Variants in ERAP1 observed in about 807,000 individuals in gnomAD.
ERAP1 encodes the protein adipocyte-derived leucine aminopeptidase.
Under a neutral mutation model 103.7 loss-of-function variants are expected in ERAP1, and 86 were observed. That is an observed-to-expected ratio of 0.83 (90% CI 0.70 to 0.99). The LOEUF (loss-of-function observed/expected upper bound fraction) is 0.99, where lower values mean the gene tolerates loss of function less well. Among genes scored for constraint, ERAP1 ranks in the 50% least tolerant of loss-of-function variants. ERAP1 has a pLI of 0.00. For missense variants in ERAP1, 1,009 were observed against 1,128.4 expected (o/e 0.89, Z 1.52); for synonymous variants, 398 against 402.4 (o/e 0.99, Z 0.13).
At chr5:96,793,215 G>C (rs1339376480) in intron 7 of ERAP1, among the ~76,000 whole-genome samples, 185 bp downstream of exon 7, 1 of 152,184 alleles carries the variant, frequency 6.6e-6, no homozygotes, top group African/African-American at 2.4e-5. Flanking sequence ...TTGTAAATAA[G>C]TCTTTGTGGT....
chr5:96,901,634 C>A, the ERAP1 span: 1 of 1,614,056 alleles, frequency 6.2e-7, no homozygotes, highest in Admixed American at 1.7e-5. Flanking sequence ...AGCGCTTCCT[C>A]CAGGGGGTTT....
intron 6 of ERAP1, 75 bp from the exon 7 acceptor site, chr5:96,793,588 G>T: frequency 8.1e-7 from 1 of 1,232,434 alleles, no homozygotes; most frequent in Non-Finnish European, 1.2e-6. Context: ...ATAAGTTTAT[G>T]AATGTTAACA....
At chr5:96,902,181 T>A in the ERAP1 span, 1 of 821,340 alleles carries the variant, frequency 1.2e-6, no homozygotes, top group Non-Finnish European at 2.1e-6. Context: ...TGATGGGTAC[T>A]TAGGTGCCTT....
chr5:96,933,010 G>A, the ERAP1 span, among the ~76,000 whole-genome samples: 49 of 152,130 alleles, frequency 3.2e-4, no homozygotes, highest in Admixed American at 7.2e-4. Flanking sequence ...TGGGAGGATA[G>A]GCGGGTGTTA....
At chr5:96,781,595 G>C in intron 16 of ERAP1, 98 bp downstream of exon 16, 1 of 1,479,364 alleles carries the variant, frequency 6.8e-7, no homozygotes, top group Non-Finnish European at 9.4e-7. Flanking sequence ...CAGCAGGATA[G>C]GCAATTCCTG....
chr5:96,874,180 A>G, the ERAP1 span, among the ~76,000 whole-genome samples: 45 of 82,320 alleles, frequency 5.5e-4, no homozygotes, highest in African/African-American at 1.8e-3. Context: ...GAAAGAAAGA[A>G]AGAGAGAGAG....
chr5:96,915,100 C>T, the ERAP1 span, among the ~76,000 whole-genome samples: 2,189 of 152,084 alleles, frequency 0.014, 53 homozygotes, highest in South Asian at 0.088. Context: ...CTCCACCTCC[C>T]GGGTTCAAGT....
At position 96,775,491 on chromosome 5, in the gene ERAP1, C is replaced by CTTTT; in HGVS notation, c.*901_*904dup. 1.0e-6 allele frequency: 1 copy of CTTTT among 984,974 alleles called. No individual in the cohort carries two copies. Among genetic ancestry groups the CTTTT allele is most frequent in the Non-Finnish European group, 1.2e-6 (1 of 829,808 alleles). The allele number at this position is 984,974 out of a possible 1,614,324, so 61.0% of individuals were successfully genotyped here. A position where few individuals can be genotyped will look rare whatever the true frequency, so the allele number is the denominator to read the frequency against. ...TTCCTACAGACTTGAATGCACTCTG[C>CTTTT]TTTTTCAGAAGAGATACTGTACCAG... is the stretch of plus-strand genomic sequence containing the variant. On this transcript the variant is annotated 3_prime_UTR_variant, in exon 19 of 19. Transcript: ENST00000443439.
the ERAP1 span, among the ~76,000 whole-genome samples, chr5:96,869,498 C>T: frequency 6.6e-6 from 1 of 152,106 alleles, no homozygotes; most frequent in Non-Finnish European, 1.5e-5. Flanking sequence ...ATTTAGTTTA[C>T]AGATTTATTA....
upstream of ERAP1, among the ~76,000 whole-genome samples, chr5:96,810,661 G>T (rs1779099568): frequency 6.6e-6 from 1 of 152,204 alleles, no homozygotes. Flanking sequence ...AGTGTCCTTA[G>T]TCCCAGAGGT....
intron 19 of ERAP1, among the ~76,000 whole-genome samples, chr5:96,764,663 A>AC (rs1194142091): frequency 1.3e-5 from 2 of 152,100 alleles, no homozygotes; most frequent in Non-Finnish European, 2.9e-5. Context: ...CTTCCCACAA[A>AC]CTGCGGGTCA....
chr5:96,813,940 G>T, the ERAP1 span: 1 of 177,718 alleles, frequency 5.6e-6, no homozygotes, highest in Non-Finnish European at 1.2e-5. Context: ...CTAAGAAAAT[G>T]GCCCATTTCC....
At chr5:96,867,639 C>A in the ERAP1 span, among the ~76,000 whole-genome samples, 1 of 152,176 alleles carries the variant, frequency 6.6e-6, no homozygotes, top group African/African-American at 2.4e-5. Flanking sequence ...TTCCTCATAG[C>A]CTCATGGCAG....
Position 96,782,333 on chromosome 5 carries a change from C to G in ERAP1, c.2286-479G>C, listed in dbSNP as rs563736752. 8.4e-4 allele frequency among the ~76,000 whole-genome samples: 128 copies of G among 152,136 alleles called. 1 individual carries two copies. The highest frequency in any genetic ancestry group is 1.5e-3 in the Non-Finnish European group (100 of 67,988). On this transcript the variant is annotated intron_variant, in intron 15 of 18. Transcript: ENST00000443439. The stretch of plus-strand genomic sequence containing the variant: ...CTAGTTACACTTTATAAAAAAAAGG[C>G]AAGAGAAAAATATCTAAAATTAGGT...
the ERAP1 span, among the ~76,000 whole-genome samples, chr5:96,813,849 G>A: frequency 1.3e-5 from 2 of 152,024 alleles, no homozygotes; most frequent in East Asian, 1.9e-4. Flanking sequence ...ATGTGTTCTC[G>A]TGTTATAATG....
chr5:96,895,486 G>A, the ERAP1 span: 1 of 692,314 alleles, frequency 1.4e-6, no homozygotes, highest in Admixed American at 2.9e-5. Context: ...ATGGCATTTT[G>A]TTTGATACAC....
Position 96,795,158 on chromosome 5 carries a change from GA to G in ERAP1, c.802del (p.Ser268LeufsTer9), listed in dbSNP as rs753200047. 1.2e-5 allele frequency: 20 copies of G among 1,613,326 alleles called. No homozygotes were observed. The highest frequency in any genetic ancestry group is 2.2e-5 in the East Asian group (1 of 44,874). On this transcript the variant is annotated frameshift_variant, in exon 5 of 19. Coordinates refer to ENST00000443439, the MANE Select transcript of ERAP1 (RefSeq NM_001040458.3). LOFTEE classifies it high-confidence loss of function. ...TATCTTGTCTGGCACAGCATAAACA[GA>G]AACCTAAAGAGAAAGGCACAGAAAG... ...SKITKSGVKV[S>X]VYAVPDKINQ...
At chr5:96,925,097 A>G in the ERAP1 span, among the ~76,000 whole-genome samples, 51 of 152,178 alleles carry the variant, frequency 3.4e-4, no homozygotes, top group Non-Finnish European at 1.2e-4. Flanking sequence ...AAATGATCAG[A>G]TTGGAATATG....
At chr5:96,917,361 T>A in the ERAP1 span, 28 of 1,080,254 alleles carry the variant, frequency 2.6e-5, no homozygotes, top group African/African-American at 2.4e-4. Context: ...GCTCAATTGA[T>A]CTGCCCACCT....
Sources: allele counts gnomAD v4.1 joint callset (sites outside exome capture counted in the v4.1 genomes callset), GRCh38; gene constraint gnomAD v4.1.1; transcripts MANE v1.5; gene names NCBI Gene and HGNC (gene_info 2026-07-23, HGNC 2026-07-21).